Variants in TGFB3 observed in about 807,000 individuals in gnomAD.
TGFB3 encodes the protein transforming growth factor beta 3, also known as transforming growth factor beta-3 proprotein.
A neutral mutation model predicts 40.1 loss-of-function variants in TGFB3; 5 were observed. The observed-to-expected ratio is 0.12, with a 90% CI of 0.07 to 0.26. The LOEUF is 0.26. Ranked by LOEUF, TGFB3 falls within the 10% of genes least tolerant of loss-of-function variation. The probability of loss-of-function intolerance (pLI) is 1.00; values close to 1 mark genes in which losing one functional copy is unlikely to be tolerated. For missense variants in TGFB3, 373 were observed against 530.1 expected, an observed-to-expected ratio of 0.70 and a Z score of 2.91; for synonymous variants, 184 against 205.6, an observed-to-expected ratio of 0.89 and a Z score of 0.90.
chr14:75,981,966 T>TCA lies in TGFB3; in HGVS notation c.-1075_-1074dup, dbSNP rs778805696. ...CCTCTCGCTCCTCTCCCTCTCTCTCTCACACACACACACATGCACACACAC... is the reference window on the plus strand; with the variant it reads ...CCTCTCGCTCCTCTCCCTCTCTCTCTCACACACACACACACATGCACACACAC... On this transcript the variant is annotated 5_prime_UTR_variant, in exon 1 of 7. The change creates a premature stop within an existing upstream ORF in the 5' untranslated region. Coordinates refer to ENST00000238682, the MANE Select transcript of TGFB3 (RefSeq NM_003239.5). This position sits in a 1 kb window ranked among gnomAD's most constrained non-coding sequence, Gnocchi z 4.7. Among the ~76,000 whole-genome samples the TCA allele has an allele frequency of 9.9e-4, 149 of 150,626 alleles. No individual in the cohort carries two copies. The highest frequency in any genetic ancestry group is 3.3e-3 in the African/African-American group (134 of 41,042).
Position 75,963,392 on chromosome 14 carries a change from G to T in TGFB3, c.850C>A (p.Pro284Thr). The T allele has an allele frequency of 6.2e-7, 1 of 1,614,178 alleles. No homozygotes were observed. The highest frequency in any genetic ancestry group is 1.1e-5 in the South Asian group (1 of 91,068). The change falls in exon 5 of 7, where the codon CCC becomes ACC. Residue 284 changes from proline (P) to threonine (T), a missense_variant. Transcript: ENST00000238682. ...HNPHLILMMI[P>T]PHRLDNPGQG... ...CCCGGGTTGTCGAGCCGGTGTGGGG[G>T]AATCATCATGAGGATTAGATGAGGG...
At chr14:75,982,641 C>T (rs2035450028), upstream of TGFB3, among the ~76,000 whole-genome samples, 2 of 124,688 alleles carry the variant, frequency 1.6e-5, no homozygotes, top group South Asian at 2.8e-4. This position sits in a 1 kb window ranked among gnomAD's most constrained non-coding sequence, Gnocchi z 4.0. Flanking sequence ...TGAAGGAGCT[C>T]GGCTGGTCGG....
chr14:75,971,063 T>A lies in TGFB3; in HGVS notation c.646+63A>T. ...CCTTAATTCTGTCCTCTTCCCTCCA[T>A]TTCATGGAGGACTAAGGGACCTGAG... is the stretch of plus-strand genomic sequence containing the variant. On this transcript the variant is annotated intron_variant, in intron 3 of 6. Transcript: ENST00000238682. The surrounding 1 kb of genome is among the most constrained non-coding windows in gnomAD (Gnocchi z 4.5). 1.9e-6 allele frequency: 3 copies of A among 1,606,902 alleles called. No homozygotes were observed. The highest frequency in any genetic ancestry group is 2.5e-6 in the Non-Finnish European group (3 of 1,178,026).
In TGFB3 at chr14:75,974,371, T is replaced by C. The variant is rs143777694; in HGVS notation, c.353-2653A>G. 7.9e-5 allele frequency among the ~76,000 whole-genome samples: 12 copies of C among 152,100 alleles called. No individual in the cohort carries two copies. The East Asian group carries it at 2.1e-3, about 27-fold the overall frequency. On this transcript the variant is annotated intron_variant, in intron 1 of 6. Transcript: ENST00000238682. ...TTCAAGAAAGAGGTGGGAAAGGTCATTTTTCTATTACTGGGATATATAGAT... is the reference window on the plus strand; with the variant it reads ...TTCAAGAAAGAGGTGGGAAAGGTCACTTTTCTATTACTGGGATATATAGAT...
At chr14:75,982,530 T>G (rs964405469), upstream of TGFB3, among the ~76,000 whole-genome samples, 1 of 151,942 alleles carries the variant, frequency 6.6e-6, no homozygotes, top group Non-Finnish European at 1.5e-5. The surrounding 1 kb of genome is among the most constrained non-coding windows in gnomAD (Gnocchi z 4.0). Flanking sequence ...AAGATCGGAG[T>G]CGGGAGGCGG....
rs755823283 is a variant in TGFB3 at position 75,980,916 on chromosome 14, A to AG, written c.-24dup. ...CATGTGTGAGCTGGGAAGAGAGGCC[A>AG]GGGGGACGGCAAGGCCTGGAGAGGA... On this transcript the variant is annotated 5_prime_UTR_variant, in exon 1 of 7. Coordinates refer to ENST00000238682, the MANE Select transcript of TGFB3 (RefSeq NM_003239.5). The surrounding 1 kb of genome is among the most constrained non-coding windows in gnomAD (Gnocchi z 4.3). 1 of 1,608,664 alleles carries AG rather than the reference A, an allele frequency of 6.2e-7. No homozygotes were observed. The highest frequency in any genetic ancestry group is 1.7e-5 in the Admixed American group (1 of 60,010).
intron 4 of TGFB3, 67 bp downstream of exon 4, chr14:75,965,521 T>A: frequency 7.4e-7 from 1 of 1,343,080 alleles, no homozygotes; most frequent in Non-Finnish European, 1.1e-6. Flanking sequence ...AAGGGTCTCC[T>A]GCACTATCCT....
chr14:75,970,882 T>C (rs1476267764), intron 3 of TGFB3: 1 of 485,276 alleles, frequency 2.1e-6, no homozygotes, highest in African/African-American at 2.0e-5. Context: ...ACCCACTCAT[T>C]GTCACATTGC....
In TGFB3 at chr14:75,971,795, C is replaced by A; in HGVS notation, c.353-77G>T. On this transcript the variant is annotated intron_variant, in intron 1 of 6. Coordinates refer to ENST00000238682, the MANE Select transcript of TGFB3 (RefSeq NM_003239.5). This position sits in a 1 kb window ranked among gnomAD's most constrained non-coding sequence, Gnocchi z 4.5. ...CAGTGTGCTGCCAACGGACAGGCAC[C>A]AAGTGGCCACCGTCCCGCCTGCCAC... is the stretch of plus-strand genomic sequence containing the variant. 1 of 1,551,160 alleles carries A rather than the reference C, an allele frequency of 6.4e-7. No homozygotes were observed.
chr14:75,963,515 T>C, intron 4 of TGFB3, 28 bp from the exon 5 acceptor site: 2 of 1,613,808 alleles, frequency 1.2e-6, no homozygotes, highest in Non-Finnish European at 1.7e-6. Flanking sequence ...AGTGACAATC[T>C]CCTGTCTGAA....
At chr14:75,982,099 G>T (rs117462711), upstream of TGFB3, among the ~76,000 whole-genome samples, 3 of 152,182 alleles carry the variant, frequency 2.0e-5, no homozygotes, top group Admixed American at 2.0e-4. The surrounding 1 kb of genome is among the most constrained non-coding windows in gnomAD (Gnocchi z 4.0). Flanking sequence ...TTTGCTGCAC[G>T]ATGTTAATGT....
chr14:75,981,980 A>G lies in TGFB3; in HGVS notation c.-1087T>C, dbSNP rs1180230228. ...CCCTCTCTCTCTCACACACACACAC[A>G]TGCACACACACTGCTTTCTCTATTT... On this transcript the variant is annotated 5_prime_UTR_variant, in exon 1 of 7. The change abolishes an upstream ATG in the 5' untranslated region. Transcript: ENST00000238682. This position sits in a 1 kb window ranked among gnomAD's most constrained non-coding sequence, Gnocchi z 4.7. Among the ~76,000 whole-genome samples, 1 of 150,570 alleles carries G rather than the reference A, an allele frequency of 6.6e-6. No individual in the cohort carries two copies. Among genetic ancestry groups the G allele is most frequent in the Non-Finnish European group, 1.5e-5 (1 of 67,688 alleles).
Position 75,980,730 on chromosome 14 carries a change from C to G in TGFB3, c.164G>C (p.Ser55Thr), listed in dbSNP as rs143229915. The part of the protein sequence containing the change: ...GQILSKLRLT[S>T]PPEPTVMTHV... ...GGTCATCACCGTTGGCTCAGGGGGG[C>G]TGGTGAGCCTGAGCTTGCTCAAGAT... Residue 55 changes from serine (S) to threonine (T), a missense_variant, in exon 1 of 7, where the codon AGC (serine) becomes ACC (threonine). Ser to Thr is a moderately conservative substitution (Grantham distance 58, BLOSUM62 1). Transcript: ENST00000238682. This position sits in a 1 kb window ranked among gnomAD's most constrained non-coding sequence, Gnocchi z 4.3. The G allele has an allele frequency of 2.5e-6, 4 of 1,614,200 alleles. No individual in the cohort carries two copies. In the Admixed American group the frequency reaches 5.0e-5, roughly 20 times the overall value.
At chr14:75,977,135 C>T (rs892382752) in intron 1 of TGFB3, among the ~76,000 whole-genome samples, 1 of 152,194 alleles carries the variant, frequency 6.6e-6, no homozygotes, top group Non-Finnish European at 1.5e-5. Context: ...CACTTAGCAG[C>T]TAGAGAACAA....
At position 75,979,137 on chromosome 14, in the gene TGFB3, C is replaced by T. The variant is rs953800820; in HGVS notation, c.352+1405G>A. ...CTCCGCCCCACATGGCAGCCACATCCTGAAGAAAGGCGCTCCAGGCAGCCA... is the reference window on the plus strand; with the variant it reads ...CTCCGCCCCACATGGCAGCCACATCTTGAAGAAAGGCGCTCCAGGCAGCCA... On this transcript the variant is annotated intron_variant, in intron 1 of 6. Coordinates refer to ENST00000238682, the MANE Select transcript of TGFB3 (RefSeq NM_003239.5). The surrounding 1 kb of genome is among the most constrained non-coding windows in gnomAD (Gnocchi z 4.8). Among the ~76,000 whole-genome samples, 4 of 152,126 alleles carry T rather than the reference C, an allele frequency of 2.6e-5. No individual in the cohort carries two copies. Among genetic ancestry groups the T allele is most frequent in the African/African-American group, 4.8e-5 (2 of 41,422 alleles).
At chr14:75,982,700 G>A (rs2035451169), upstream of TGFB3, 1 of 152,046 alleles carries the variant, frequency 6.6e-6, no homozygotes, top group Admixed American at 6.5e-5. The surrounding 1 kb of genome is among the most constrained non-coding windows in gnomAD (Gnocchi z 4.0). Flanking sequence ...GGGCTGAGGG[G>A]CGGGAGAAGG....
intron 3 of TGFB3, among the ~76,000 whole-genome samples, chr14:75,969,959 G>A (rs1277231117): frequency 6.6e-6 from 1 of 152,080 alleles, no homozygotes; most frequent in Non-Finnish European, 1.5e-5. Context: ...CTGCCGCCGT[G>A]GCTCCTAACT....
rs1319893975 is a variant in TGFB3 at position 75,980,851 on chromosome 14, G to A, written c.43C>T (p.Leu15=). ...LQRALVVLAL[L]NFATVSLSLS... Reference sequence around the variant, plus strand: ...GAGAGGCTGACCGTGGCAAAGTTCAGCAGGGCCAGGACCACCAGAGCCCTT... The same window carrying A: ...GAGAGGCTGACCGTGGCAAAGTTCAACAGGGCCAGGACCACCAGAGCCCTT... Residue 15 remains leucine, a synonymous_variant, in exon 1 of 7, where the codon CTG becomes TTG. Transcript: ENST00000238682. The surrounding 1 kb of genome is among the most constrained non-coding windows in gnomAD (Gnocchi z 4.3). The A allele has an allele frequency of 1.2e-6, 2 of 1,614,164 alleles. No individual in the cohort carries two copies. The highest frequency in any genetic ancestry group is 2.2e-5 in the East Asian group (1 of 44,888).
At chr14:75,967,016 C>T (rs938696292) in intron 3 of TGFB3, among the ~76,000 whole-genome samples, 1 of 152,170 alleles carries the variant, frequency 6.6e-6, no homozygotes, top group African/African-American at 2.4e-5. Flanking sequence ...CCTGAGGCCA[C>T]ACACCATGTG....
Sources: allele counts gnomAD v4.1 joint callset (sites outside exome capture counted in the v4.1 genomes callset), GRCh38; gene constraint gnomAD v4.1.1; non-coding constraint Gnocchi (gnomAD v3.1); transcripts MANE v1.5; gene names NCBI Gene and HGNC (gene_info 2026-07-23, HGNC 2026-07-21).